Variants in DACH1 observed in about 807,000 individuals in gnomAD.
DACH1 encodes dachshund homolog 1.
DACH1 carries 12 observed loss-of-function variants against 54.2 expected under a neutral mutation model. That is an observed-to-expected ratio of 0.22 (90% confidence interval 0.14 to 0.36). DACH1 has a LOEUF of 0.36. Among genes scored for constraint, DACH1 ranks in the 10% least tolerant of loss-of-function variants. DACH1 has a pLI of 1.00. For missense variants in DACH1, 805 were observed against 929.8 expected (o/e 0.87, Z 1.75); for synonymous variants, 386 against 366.2 (o/e 1.05, Z -0.62).
Position 71,526,852 on chromosome 13 carries a change from A to C in DACH1, c.1570+30172T>G, listed in dbSNP as rs377384874. On this transcript the variant is annotated intron_variant, in intron 6 of 10. Transcript: ENST00000613252. ...TTTGCTGAATTATTGTTAGACATTTAAGACTTGCTTTTCTTCTCAGTGAAG... is the reference window on the plus strand; with the variant it reads ...TTTGCTGAATTATTGTTAGACATTTCAGACTTGCTTTTCTTCTCAGTGAAG... 2.0e-5 allele frequency among the ~76,000 whole-genome samples: 3 copies of C among 151,914 alleles called. No individual in the cohort carries two copies. The South Asian group carries it at 6.2e-4, about 32-fold the overall frequency.
At chr13:71,590,176 T>C (rs926250367) in intron 3 of DACH1, among the ~76,000 whole-genome samples, 1 of 152,176 alleles carries the variant, frequency 6.6e-6, no homozygotes, top group Non-Finnish European at 1.5e-5. Flanking sequence ...AAACATCTCA[T>C]ATCAGTAAGA....
intron 1 of DACH1, among the ~76,000 whole-genome samples, chr13:71,767,046 C>T (rs1885663998): frequency 6.6e-6 from 1 of 151,990 alleles, no homozygotes; most frequent in East Asian, 1.9e-4. Context: ...TATGCAACTG[C>T]CATTTTTTCC....
rs1566258087 is a variant in DACH1 at position 71,438,671 on chromosome 13, TA to T, written c.*1983del. 1 of 152,436 alleles carries T rather than the reference TA, an allele frequency of 6.6e-6. No homozygotes were observed. The highest frequency in any genetic ancestry group is 2.4e-5 in the African/African-American group (1 of 41,438). 9.4% of individuals were successfully genotyped at this position (152,436 alleles called of 1,614,324 possible). ...TACATATGTAAGTTGTAGGCTTTTT[TA>T]AAAATCTTTCAAAAAATGTATGATG... is the stretch of plus-strand genomic sequence containing the variant. On this transcript the variant is annotated 3_prime_UTR_variant, in exon 11 of 11. Transcript: ENST00000613252.
chr13:71,675,121 T>C (rs1280557907), intron 2 of DACH1: 3 of 1,582,520 alleles, frequency 1.9e-6, no homozygotes, highest in African/African-American at 2.7e-5. Flanking sequence ...ACCCAGGAAG[T>C]AACTGGCTAC....
chr13:71,698,142 C>G (rs987599194), intron 1 of DACH1, among the ~76,000 whole-genome samples: 3 of 152,000 alleles, frequency 2.0e-5, no homozygotes, highest in Non-Finnish European at 2.9e-5. Flanking sequence ...CAGTGAGCCG[C>G]GCCACTGCAC....
At chr13:71,644,238 C>A (rs1171387261) in intron 2 of DACH1, among the ~76,000 whole-genome samples, 1 of 152,186 alleles carries the variant, frequency 6.6e-6, no homozygotes, top group Non-Finnish European at 1.5e-5. Context: ...AATCCTTCCT[C>A]TGTCATCAGA....
intron 1 of DACH1, among the ~76,000 whole-genome samples, chr13:71,806,248 T>G (rs1028610114): frequency 2.0e-4 from 30 of 152,300 alleles, no homozygotes; most frequent in African/African-American, 7.0e-4. Flanking sequence ...TCGTTCTAGA[T>G]TATTTTAAAT....
chr13:71,677,779 G>T (rs923291939), intron 2 of DACH1, among the ~76,000 whole-genome samples: 3 of 152,192 alleles, frequency 2.0e-5, no homozygotes, highest in East Asian at 1.9e-4. Context: ...GAGTGCAGTG[G>T]TGCGATCTCG....
intron 5 of DACH1, among the ~76,000 whole-genome samples, chr13:71,558,650 C>A (rs1884403089): frequency 6.6e-6 from 1 of 151,786 alleles, no homozygotes; most frequent in African/African-American, 2.4e-5. Context: ...GTAAATATTT[C>A]ATTTGAAAAC....
chr13:71,514,502 A>G (rs529424376), intron 6 of DACH1, among the ~76,000 whole-genome samples: 48 of 152,036 alleles, frequency 3.2e-4, no homozygotes, highest in African/African-American at 1.1e-3. Flanking sequence ...TAAACTTTGT[A>G]GGGTAATTTA....
intron 1 of DACH1, among the ~76,000 whole-genome samples, chr13:71,708,526 G>A (rs1423758112): frequency 1.3e-5 from 2 of 152,036 alleles, no homozygotes; most frequent in African/African-American, 4.8e-5. Context: ...GTTTTCTGGT[G>A]TTTCCCATAT....
intron 4 of DACH1, 110 bp from the exon 5 acceptor site, chr13:71,560,065 A>T: frequency 3.4e-6 from 4 of 1,188,898 alleles, no homozygotes; most frequent in Non-Finnish European, 4.5e-6. Context: ...AAGAGAATAA[A>T]CACTTTACTT....
intron 10 of DACH1, among the ~76,000 whole-genome samples, chr13:71,461,911 G>T (rs978228293): frequency 1.3e-5 from 2 of 151,870 alleles, no homozygotes; most frequent in African/African-American, 4.8e-5. Flanking sequence ...ATTCTGTTAA[G>T]ATGACTTCAT....
chr13:71,481,829 C>A (rs1878058395), intron 7 of DACH1, among the ~76,000 whole-genome samples: 1 of 152,164 alleles, frequency 6.6e-6, no homozygotes. Context: ...TTTAGGACAC[C>A]ATTGTAGCCA....
At chr13:71,622,945 TA>T (rs947936769) in intron 3 of DACH1, among the ~76,000 whole-genome samples, 4 of 151,406 alleles carry the variant, frequency 2.6e-5, no homozygotes, top group Non-Finnish European at 5.9e-5. Flanking sequence ...TCCATATAAG[TA>T]AAAAAAAGTT....
chr13:71,445,911 C>T (rs1052663826), intron 10 of DACH1, among the ~76,000 whole-genome samples: 56 of 152,242 alleles, frequency 3.7e-4, no homozygotes, highest in African/African-American at 1.3e-3. Flanking sequence ...AGGCGGATGG[C>T]AAATGTGCTA....
chr13:71,830,998 C>G (rs1418162733), intron 1 of DACH1, among the ~76,000 whole-genome samples: 1 of 151,772 alleles, frequency 6.6e-6, no homozygotes, highest in Non-Finnish European at 1.5e-5. Flanking sequence ...GGAATAAAAT[C>G]TAGTTAAATG....
intron 1 of DACH1, among the ~76,000 whole-genome samples, chr13:71,847,964 T>C (rs1275361888): frequency 6.6e-6 from 1 of 152,158 alleles, no homozygotes; most frequent in Non-Finnish European, 1.5e-5. Context: ...AAAATAATCA[T>C]TTAGGGGATC....
chr13:71,799,717 A>T (rs1236842326), intron 1 of DACH1, among the ~76,000 whole-genome samples: 1 of 152,150 alleles, frequency 6.6e-6, no homozygotes, highest in East Asian at 1.9e-4. Context: ...GCAAATTGCC[A>T]AAATTTGAAG....
Sources: gnomAD v4.1 joint callset for allele counts (sites outside exome capture counted in the v4.1 genomes callset) on GRCh38, gnomAD v4.1.1 for gene constraint, MANE v1.5 for transcripts, NCBI Gene and HGNC (gene_info 2026-07-23, HGNC 2026-07-21) for gene names.